Variants in NNT observed in about 807,000 individuals in gnomAD.
The protein encoded by NNT is nicotinamide nucleotide transhydrogenase, also known as NAD(P) transhydrogenase, mitochondrial.
A neutral mutation model predicts 104.8 loss-of-function variants in NNT; 50 were observed. The observed-to-expected ratio is 0.48, with a 90% CI of 0.38 to 0.60. The LOEUF is 0.60. Ranked by LOEUF, NNT falls within the 20% of genes least tolerant of loss-of-function variation. NNT has a pLI of 0.00. For missense variants in NNT, 1,131 were observed against 1,330.7 expected (o/e 0.85, Z 2.33); for synonymous variants, 461 against 490.4 (o/e 0.94, Z 0.79).
chr5:43,604,249 CA>C (rs1235358078), intron 1 of NNT, among the ~76,000 whole-genome samples: 1 of 152,228 alleles, frequency 6.6e-6, no homozygotes, highest in Admixed American at 6.5e-5. Flanking sequence ...GTCTGTTTGT[CA>C]GGAGTCTTGT....
chr5:43,681,462 G>T (rs1741713985), intron 19 of NNT, among the ~76,000 whole-genome samples: 1 of 151,978 alleles, frequency 6.6e-6, no homozygotes, highest in South Asian at 2.1e-4. Flanking sequence ...GCAGTGGCAT[G>T]ATTTCAGCTC....
chr5:43,624,227 C>T, intron 6 of NNT, 107 bp downstream of exon 6: 1 of 888,938 alleles, frequency 1.1e-6, no homozygotes, highest in Non-Finnish European at 1.9e-6. Flanking sequence ...TGCAACTGGT[C>T]TATAAGCTCT....
intron 5 of NNT, 34 bp downstream of exon 5, chr5:43,619,153 G>A (rs185644555): frequency 2.3e-6 from 3 of 1,289,572 alleles, no homozygotes; most frequent in Admixed American, 2.2e-5. Flanking sequence ...TTTATAATAT[G>A]CATTGATTAA....
intron 7 of NNT, among the ~76,000 whole-genome samples, chr5:43,637,842 A>C (rs1055474190): frequency 1.3e-5 from 2 of 152,126 alleles, no homozygotes; most frequent in Non-Finnish European, 2.9e-5. Context: ...AATGAGATGC[A>C]CCTCGGCTTA....
intron 6 of NNT, among the ~76,000 whole-genome samples, chr5:43,625,962 T>G (rs1274282648): frequency 1.3e-5 from 2 of 152,174 alleles, no homozygotes; most frequent in Non-Finnish European, 2.9e-5. Context: ...CATGAAGATC[T>G]TTCCTTACCT....
intron 16 of NNT, among the ~76,000 whole-genome samples, chr5:43,658,478 A>G (rs1168876151): frequency 1.3e-5 from 2 of 152,160 alleles, no homozygotes; most frequent in Admixed American, 1.3e-4. Context: ...GGTATTGATT[A>G]TTATTATTTA....
intron 17 of NNT, among the ~76,000 whole-genome samples, chr5:43,660,347 T>C (rs1405427615): frequency 6.6e-6 from 1 of 152,216 alleles, no homozygotes; most frequent in Non-Finnish European, 1.5e-5. Context: ...ACACTAATAC[T>C]TCCTAGCTTT....
intron 19 of NNT, among the ~76,000 whole-genome samples, chr5:43,692,875 C>T (rs528978956): frequency 6.6e-6 from 1 of 152,264 alleles, no homozygotes; most frequent in South Asian, 2.1e-4. Flanking sequence ...TATTTTTAAA[C>T]ACTTTGTGTC....
chr5:43,657,428 T>A (rs2111949737), intron 16 of NNT, among the ~76,000 whole-genome samples: 1 of 152,364 alleles, frequency 6.6e-6, no homozygotes, highest in East Asian at 1.9e-4. Context: ...TGTATGATGC[T>A]GTTTTATGCA....
At chr5:43,612,096 AC>A (rs1325998018) in intron 2 of NNT, among the ~76,000 whole-genome samples, 18 of 152,098 alleles carry the variant, frequency 1.2e-4, no homozygotes, top group Non-Finnish European at 2.4e-4. Flanking sequence ...AATATCTACT[AC>A]TGATGTTTCT....
intron 19 of NNT, among the ~76,000 whole-genome samples, chr5:43,684,520 G>A (rs570336082): frequency 9.2e-5 from 14 of 152,010 alleles, no homozygotes; most frequent in Middle Eastern, 3.4e-3. Flanking sequence ...CATCTCATTC[G>A]TTAGTTTTTG....
At chr5:43,619,619 G>A (rs1749963643) in intron 5 of NNT, among the ~76,000 whole-genome samples, 1 of 152,176 alleles carries the variant, frequency 6.6e-6, no homozygotes, top group Admixed American at 6.5e-5. Flanking sequence ...GCAGAGAGGA[G>A]CAGTTAACGA....
chr5:43,663,171 T>G (rs1740461692), intron 17 of NNT, among the ~76,000 whole-genome samples: 1 of 152,182 alleles, frequency 6.6e-6, no homozygotes, highest in South Asian at 2.1e-4. Context: ...CATAGTCTAT[T>G]TATTCAAATT....
intron 7 of NNT, among the ~76,000 whole-genome samples, chr5:43,643,896 T>C (rs1040037040): frequency 6.6e-6 from 1 of 152,240 alleles, no homozygotes; most frequent in African/African-American, 2.4e-5. Context: ...TCATGAATGC[T>C]GTGGTGTATA....
chr5:43,620,838 C>A (rs1750047297), intron 5 of NNT, among the ~76,000 whole-genome samples: 1 of 152,114 alleles, frequency 6.6e-6, no homozygotes, highest in African/African-American at 2.4e-5. Flanking sequence ...TGCTTTGATG[C>A]ACAAGTCTAC....
intron 10 of NNT, among the ~76,000 whole-genome samples, chr5:43,646,150 C>T (rs901177630): frequency 6.6e-6 from 1 of 152,100 alleles, no homozygotes; most frequent in Non-Finnish European, 1.5e-5. Flanking sequence ...TTGGAGATTA[C>T]ATTTATTGAC....
chr5:43,683,721 C>G (rs1257461751), intron 19 of NNT, among the ~76,000 whole-genome samples: 1 of 152,172 alleles, frequency 6.6e-6, no homozygotes, highest in South Asian at 2.1e-4. Context: ...ATTATTCAGA[C>G]AGAAAGATGA....
intron 19 of NNT, among the ~76,000 whole-genome samples, chr5:43,694,772 G>GTGTGTGTGTT (rs1742474112): frequency 6.6e-6 from 1 of 151,586 alleles, no homozygotes; most frequent in African/African-American, 2.4e-5. Flanking sequence ...GTGTGTGTGT[G>GTGTGTGTGTT]TGTGTGTGTC....
At chr5:43,693,998 G>C (rs7708386) in intron 19 of NNT, among the ~76,000 whole-genome samples, 11,434 of 152,148 alleles carry the variant, frequency 0.075, 601 homozygotes, top group East Asian at 0.2. Flanking sequence ...TAGTCTTTGT[G>C]TCCCATTCCT....
Sources: gnomAD v4.1 joint callset for allele counts (sites outside exome capture counted in the v4.1 genomes callset) on GRCh38, gnomAD v4.1.1 for gene constraint, MANE v1.5 for transcripts, NCBI Gene and HGNC (gene_info 2026-07-23, HGNC 2026-07-21) for gene names.